Variants in SRP19 observed in about 807,000 individuals in gnomAD.
The protein encoded by SRP19 is signal recognition particle 19.
In SRP19, 11 loss-of-function variants were observed where a neutral mutation model predicts 22.4. That is an observed-to-expected ratio of 0.49 (90% CI 0.31 to 0.81). The LOEUF (loss-of-function observed/expected upper bound fraction) is 0.81, where lower values mean the gene tolerates loss of function less well. SRP19 is among the 40% of genes least tolerant of loss of function. The pLI, the probability that SRP19 is intolerant of heterozygous loss-of-function variation, is 0.05. For synonymous variants in SRP19, 61 were observed against 57.6 expected (o/e 1.06, Z -0.27); for missense variants, 168 against 175.9 (o/e 0.96, Z 0.25).
intron 1 of SRP19, among the ~76,000 whole-genome samples, chr5:112,861,808 G>A (rs1767408970): frequency 6.6e-6 from 1 of 152,146 alleles, no homozygotes; most frequent in Admixed American, 6.5e-5. Context: ...ATAAGAGGGC[G>A]GGCCCATTCT....
intron 4 of SRP19, among the ~76,000 whole-genome samples, chr5:112,875,668 A>G (rs763532255): frequency 1.1e-4 from 17 of 152,062 alleles, no homozygotes; most frequent in Non-Finnish European, 1.8e-4. Flanking sequence ...AGAAGTGGGT[A>G]TTTTTATCAA....
chr5:112,890,057 C>T (rs1272778799), intron 4 of SRP19, among the ~76,000 whole-genome samples: 2 of 150,388 alleles, frequency 1.3e-5, no homozygotes, highest in Non-Finnish European at 2.9e-5. Context: ...GAACTCCTGA[C>T]CTCAAATGAT....
chr5:112,861,486 G>C lies in SRP19; in HGVS notation c.41+69G>C, dbSNP rs1305181613. ...TGTGGTGCTGCAGGTGCTACACCGC[G>C]CTTCTCCGCTCCGCGGCCTCCAGAA... On this transcript the variant is annotated intron_variant, in intron 1 of 4. Transcript: ENST00000505459. 2.0e-5 allele frequency: 30 copies of C among 1,527,436 alleles called. No homozygotes were observed. In the African/African-American group the frequency reaches 3.0e-4, roughly 16 times the overall value. The allele number at this position is 1,527,436 out of a possible 1,614,324, so 94.6% of individuals were successfully genotyped here. A position where few individuals can be genotyped will look rare whatever the true frequency, so the allele number is the denominator to read the frequency against.
chr5:112,896,720 GGTCAGGA>G (rs1768690649), downstream of SRP19: 3 of 151,838 alleles, frequency 2.0e-5, no homozygotes. Flanking sequence ...TGGATCACAA[GGTCAGGA>G]GTTGAGACCA....
At chr5:112,863,536 G>C (rs923768610) in intron 2 of SRP19, among the ~76,000 whole-genome samples, 1 of 152,160 alleles carries the variant, frequency 6.6e-6, no homozygotes, top group African/African-American at 2.4e-5. Context: ...TCCAAGCATT[G>C]CTAGATGTCT....
intron 4 of SRP19, among the ~76,000 whole-genome samples, chr5:112,884,848 C>G (rs1768193418): frequency 6.6e-6 from 1 of 151,276 alleles, no homozygotes; most frequent in South Asian, 2.1e-4. Flanking sequence ...ATCTAATTTT[C>G]AATTTTACTG....
At chr5:112,891,769 A>C in exon 5 of SRP19, 1 of 1,613,874 alleles carries the variant, frequency 6.2e-7, no homozygotes, top group East Asian at 2.2e-5. Context: ...TGCTCGACTG[A>C]GAGACTCAGG....
chr5:112,886,979 T>C (rs767684305), intron 4 of SRP19: 2 of 1,496,372 alleles, frequency 1.3e-6, no homozygotes, highest in East Asian at 4.6e-5. Flanking sequence ...TCACATCTCC[T>C]CTCACATGTG....
chr5:112,892,866 G>T, exon 5 of SRP19: 1 of 1,613,308 alleles, frequency 6.2e-7, no homozygotes, highest in South Asian at 1.1e-5. Flanking sequence ...GTCATAGGGG[G>T]AAGAAATCTC....
chr5:112,877,252 C>CATTGTTATGATCTTACCTG (rs1767925422), intron 4 of SRP19: 1 of 152,148 alleles, frequency 6.6e-6, no homozygotes, highest in African/African-American at 2.4e-5. Context: ...CATCATGAGA[C>CATTGTTATGATCTTACCTG]ATTGTTATGA....
chr5:112,866,535 T>C (rs974069916), intron 4 of SRP19, among the ~76,000 whole-genome samples: 7 of 151,422 alleles, frequency 4.6e-5, no homozygotes, highest in Admixed American at 1.3e-4. Context: ...TTGCTATGTT[T>C]CCTAAGCCAG....
At position 112,867,679 on chromosome 5, in the gene SRP19, G is replaced by C; in HGVS notation, c.*142G>C. ...CCTTGTGCCTCTCATCTTTATCATC[G>C]GAGTTGACAGTGAAACAAATTTACA... On this transcript the variant is annotated 3_prime_UTR_variant, in exon 5 of 5. Transcript: ENST00000505459. The C allele has an allele frequency of 2.9e-6, 4 of 1,356,762 alleles. No individual in the cohort carries two copies. The highest frequency in any genetic ancestry group is 3.8e-6 in the Non-Finnish European group (4 of 1,050,398). The allele number at this position is 1,356,762 out of a possible 1,614,324, so 84.0% of individuals were successfully genotyped here.
rs760523235 is a variant in SRP19, at chr5:112,864,474, A to G, written c.135A>G (p.Thr45=). The G allele has an allele frequency of 6.8e-6, 11 of 1,613,558 alleles. No individual in the cohort carries two copies. Among genetic ancestry groups the G allele is most frequent in the Middle Eastern group, 1.8e-4 (1 of 5,706 alleles). ...CTGTTCAGGCTGTTGAAAATCCTAC[A>G]GCTACAGAGATTCAAGATGTATGTT... ...IPISKAVENP[T]ATEIQDVCSA... Residue 45 remains threonine (T), a synonymous_variant, in exon 3 of 5, where the codon ACA becomes ACG. Transcript: ENST00000505459.
chr5:112,892,743 G>A (rs1372724479), exon 5 of SRP19: 2 of 1,614,096 alleles, frequency 1.2e-6, no homozygotes, highest in Admixed American at 3.3e-5. Flanking sequence ...ACTCCGAGAG[G>A]AGGGAGAAGA....
chr5:112,895,183 G>A (rs1229018006), downstream of SRP19: 1 of 135,810 alleles, frequency 7.4e-6, no homozygotes, highest in Non-Finnish European at 1.5e-5. Flanking sequence ...AGGTTACAGT[G>A]AGCTGAGATT....
downstream of SRP19, chr5:112,894,459 G>C (rs1033607844): frequency 2.0e-5 from 3 of 152,112 alleles, no homozygotes; most frequent in Non-Finnish European, 2.9e-5. Flanking sequence ...ATGTTTTACT[G>C]TAGTTGCTTA....
chr5:112,891,204 C>G (rs762260684), intron 4 of SRP19, among the ~76,000 whole-genome samples: 1 of 152,108 alleles, frequency 6.6e-6, no homozygotes, highest in Non-Finnish European at 1.5e-5. Flanking sequence ...TCCCAAGTAG[C>G]TGGGATTACA....
rs201959031 is a variant in SRP19 at position 112,867,277 on chromosome 5, A to AT, written c.302-121dup. ...AGTGTCTTCAGTCATTTGATTTTTG[A>AT]TTTTTTAAAAAAGTTATTTTCCATT... is the stretch of plus-strand genomic sequence containing the variant. On this transcript the variant is annotated intron_variant, in intron 4 of 4. Coordinates refer to ENST00000505459, the MANE Select transcript of SRP19 (RefSeq NM_003135.3). The AT allele has an allele frequency of 7.4e-4, 868 of 1,165,756 alleles. 6 individuals carry two copies. In the African/African-American group the frequency reaches 0.012, roughly 16 times the overall value. 72.2% of individuals were successfully genotyped at this position (1,165,756 alleles called of 1,614,324 possible).
chr5:112,863,045 A>G (rs554698620), intron 2 of SRP19, among the ~76,000 whole-genome samples: 1 of 152,322 alleles, frequency 6.6e-6, no homozygotes, highest in South Asian at 2.1e-4. Context: ...TAAGACACCT[A>G]GGTTTGATGC....
Sources: allele counts gnomAD v4.1 joint callset (sites outside exome capture counted in the v4.1 genomes callset), GRCh38; gene constraint gnomAD v4.1.1; transcripts MANE v1.5; gene names NCBI Gene and HGNC (gene_info 2026-07-23, HGNC 2026-07-21).